COL20A1: variants seen among roughly 807,000 people sequenced by gnomAD.
COL20A1 encodes collagen alpha-1(XX) chain.
In COL20A1, 164 loss-of-function variants were observed where a neutral mutation model predicts 152.9. The observed-to-expected ratio is 1.07, with a 90% CI of 0.94 to 1.22. COL20A1 has a LOEUF of 1.22. Ranked by LOEUF, COL20A1 falls within the 50% of genes most tolerant of loss-of-function variation. The probability of loss-of-function intolerance (pLI) is 0.00; values close to 1 mark genes in which losing one functional copy is unlikely to be tolerated. For synonymous variants in COL20A1, 864 were observed against 756.0 expected (o/e 1.14, Z -2.34); for missense variants, 1,873 against 1,744.8 (o/e 1.07, Z -1.31).
intron 11 of COL20A1, among the ~76,000 whole-genome samples, 195 bp downstream of exon 11, chr20:63,310,705 AACACCAGCTAT>A: frequency 6.6e-6 from 1 of 152,146 alleles, no homozygotes; most frequent in East Asian, 1.9e-4. Flanking sequence ...TTCTCTTCTG[AACACCAGCTAT>A]ACCGTTGGTG....
rs2068001609 is a variant in COL20A1 at position 63,311,311 on chromosome 20, C to T, written c.1394-83C>T. ...CCTGCCAGGCGGTGGCCGTGCCCAC[C>T]CACTCTGGTGTGAGGGTGCCCCGTG... On this transcript the variant is annotated intron_variant, in intron 11 of 35. Transcript: ENST00000358894. The surrounding 1 kb of genome is among the most constrained non-coding windows in gnomAD (Gnocchi z 4.4). The T allele has an allele frequency of 1.4e-6, 2 of 1,399,100 alleles. No homozygotes were observed. Among genetic ancestry groups the T allele is most frequent in the Non-Finnish European group, 1.9e-6 (2 of 1,052,686 alleles). The allele number at this position is 1,399,100 out of a possible 1,614,324, so 86.7% of individuals were successfully genotyped here. A position where few individuals can be genotyped will look rare whatever the true frequency, so the allele number is the denominator to read the frequency against.
rs771551505 is a variant in COL20A1, at chr20:63,307,518, C to T, written c.525C>T (p.Pro175=). Residue 175 remains proline (P), a synonymous_variant, in exon 6 of 36, where the codon CCC becomes CCT. Transcript: ENST00000358894. ...GCCCCCAGTTCCGCTGCCTGCCCCC[C>T]GTGCCTGCTGACATGGTCTTCCTGG... is the stretch of plus-strand genomic sequence containing the variant. ...PAGPQFRCLP[P]VPADMVFLVD... The T allele has an allele frequency of 6.9e-5, 111 of 1,612,258 alleles. No homozygotes were observed. Among genetic ancestry groups the T allele is most frequent in the Middle Eastern group, 4.9e-4 (3 of 6,070 alleles).
Position 63,311,840 on chromosome 20 carries a change from G to A in COL20A1, c.1664-76G>A, listed in dbSNP as rs1266067489. On this transcript the variant is annotated intron_variant, in intron 13 of 35. Coordinates refer to ENST00000358894, the MANE Select transcript of COL20A1 (RefSeq NM_020882.4). The surrounding 1 kb of genome is among the most constrained non-coding windows in gnomAD (Gnocchi z 4.4). ...GGCATGGGAGACCTCAGGCCCCCTC[G>A]GTCCCAGCCACTGCCCACCCTTGCC... The A allele has an allele frequency of 2.8e-5, 43 of 1,511,228 alleles. No individual in the cohort carries two copies. The East Asian group carries it at 5.7e-4, about 20-fold the overall frequency. 93.6% of individuals were successfully genotyped at this position (1,511,228 alleles called of 1,614,324 possible).
chr20:63,316,562 T>C lies in COL20A1; in HGVS notation c.2534T>C (p.Leu845Pro). Residue 845 changes from leucine to proline, a missense_variant, in exon 21 of 36, where the codon CTG becomes CCG. Coordinates refer to ENST00000358894, the MANE Select transcript of COL20A1 (RefSeq NM_020882.4). The part of the protein sequence containing the change: ...RPDGSLPGFD[L>P]MVAFSLVEKA... ...CCACCATCTTCCCCAGGGTTTGACC[T>C]GATGGTGGCCTTCAGCCTGGTGGAA... 6.3e-7 allele frequency: 1 copy of C among 1,591,042 alleles called. No homozygotes were observed.
At chr20:63,303,703 T>C (rs1481624587) in intron 3 of COL20A1, among the ~76,000 whole-genome samples, 2 of 152,192 alleles carry the variant, frequency 1.3e-5, no homozygotes, top group Middle Eastern at 3.2e-3. Context: ...GGTCACTCCC[T>C]GGCGCGGGGC....
At chr20:63,324,080 C>T (rs1568787381) in intron 27 of COL20A1, among the ~76,000 whole-genome samples, 3 of 152,240 alleles carry the variant, frequency 2.0e-5, no homozygotes, top group African/African-American at 7.2e-5. Flanking sequence ...TCTCCTTCAT[C>T]CCTACGTATG....
rs1410860213 is a variant in COL20A1 at position 63,306,982 on chromosome 20, G to A, written c.497-508G>A. ...AGCTGGGCCTCTTCGGTCGCCCCAC[G>A]GGGGGCTCCACCGTGATGGCTGCTG... On this transcript the variant is annotated intron_variant, in intron 5 of 35. Transcript: ENST00000358894. The surrounding 1 kb of genome is among the most constrained non-coding windows in gnomAD (Gnocchi z 6.9). Among the ~76,000 whole-genome samples the A allele has an allele frequency of 1.3e-5, 2 of 152,204 alleles. No homozygotes were observed. Among genetic ancestry groups the A allele is most frequent in the African/African-American group, 4.8e-5 (2 of 41,454 alleles).
At chr20:63,300,129 G>A (rs1039360848) in intron 3 of COL20A1, among the ~76,000 whole-genome samples, 6 of 152,078 alleles carry the variant, frequency 3.9e-5, no homozygotes, top group African/African-American at 1.4e-4. Flanking sequence ...TTTCATTTAA[G>A]ATTTTTATAC....
Position 63,329,631 on chromosome 20 carries a change from G to A in COL20A1, c.3828G>A (p.Gly1276=). ...AGATGGGCAGCCCTGGGCAGCAGGG[G>A]GCTAGCACCCAGGGCCTCTGGGAGT... ...VGQMGSPGQQ[G]ASTQGLWE Residue 1276 remains glycine (G), a synonymous_variant, in exon 35 of 36, where the codon GGG becomes GGA. Transcript: ENST00000358894. 1.2e-6 allele frequency: 2 copies of A among 1,605,198 alleles called. No individual in the cohort carries two copies. The highest frequency in any genetic ancestry group is 1.7e-6 in the Non-Finnish European group (2 of 1,178,126).
intron 21 of COL20A1, among the ~76,000 whole-genome samples, chr20:63,317,458 C>T (rs983847605): frequency 6.6e-4 from 95 of 142,868 alleles, no homozygotes; most frequent in Non-Finnish European, 1.2e-3. Flanking sequence ...AGCAATACTC[C>T]GTCCCTTAAA....
intron 10 of COL20A1, 53 bp from the exon 11 acceptor site, chr20:63,310,328 C>A: frequency 6.3e-7 from 1 of 1,593,282 alleles, no homozygotes; most frequent in Admixed American, 1.7e-5. Flanking sequence ...TGTCCTGCTC[C>A]CCATCCCCCG....
At chr20:63,302,518 A>G (rs937120254) in intron 3 of COL20A1, among the ~76,000 whole-genome samples, 2 of 152,064 alleles carry the variant, frequency 1.3e-5, no homozygotes, top group Non-Finnish European at 2.9e-5. Flanking sequence ...ACGGGGTTTC[A>G]CTGTGTTGGC....
At position 63,311,983 on chromosome 20, in the gene COL20A1, G is replaced by C; in HGVS notation, c.1731G>C (p.Trp577Cys). The change falls in exon 14 of 36, where the codon TGG (tryptophan) becomes TGC (cysteine). Residue 577 changes from tryptophan (W) to cysteine (C), a missense_variant. Trp to Cys is a radical substitution (Grantham distance 215). Transcript: ENST00000358894. This position sits in a 1 kb window ranked among gnomAD's most constrained non-coding sequence, Gnocchi z 4.4. ...DVSHDAARVF[W>C]EGAPRPVRLV... ...GCCACGACGCGGCACGAGTGTTCTG[G>C]GAGGGTGCCCCGAGGCCTGTGCGCC... 6.2e-7 allele frequency: 1 copy of C among 1,603,942 alleles called. No homozygotes were observed.
intron 3 of COL20A1, among the ~76,000 whole-genome samples, chr20:63,299,787 T>C (rs1000003062): frequency 4.6e-5 from 7 of 151,912 alleles, no homozygotes; most frequent in South Asian, 2.1e-4. Context: ...ACTACAGTGA[T>C]TGATTTTTTA....
Position 63,315,456 on chromosome 20 carries a change from C to G in COL20A1, c.2524+17C>G. On this transcript the variant is annotated intron_variant, in intron 20 of 35. Transcript: ENST00000358894. Reference sequence around the variant, plus strand: ...CCCTCCCAGGTGGGTCCTGCATGCCCTCCCCTGCCTGCCCACCCACAGTCT... The same window carrying G: ...CCCTCCCAGGTGGGTCCTGCATGCCGTCCCCTGCCTGCCCACCCACAGTCT... 3 of 1,559,514 alleles carry G rather than the reference C, an allele frequency of 1.9e-6. No homozygotes were observed. Among genetic ancestry groups the G allele is most frequent in the Non-Finnish European group, 2.6e-6 (3 of 1,156,882 alleles).
intron 3 of COL20A1, 41 bp downstream of exon 3, chr20:63,298,061 C>G (rs765326152): frequency 4.0e-5 from 57 of 1,418,070 alleles, no homozygotes; most frequent in Non-Finnish European, 5.5e-5. Flanking sequence ...CCCATTAGCA[C>G]GTGCCGAGGA....
chr20:63,309,536 C>A, intron 9 of COL20A1, 39 bp downstream of exon 9: 2 of 1,454,212 alleles, frequency 1.4e-6, no homozygotes, highest in South Asian at 1.4e-5. Flanking sequence ...GCAGCCCCCC[C>A]GGCTGCTTTG....
chr20:63,307,749 G>T, intron 6 of COL20A1, 101 bp downstream of exon 6: 1 of 1,373,226 alleles, frequency 7.3e-7, no homozygotes. Flanking sequence ...ACCAGCCAGG[G>T]CTCTCACCTT....
chr20:63,314,056 C>T lies in COL20A1; in HGVS notation c.2359-16C>T, dbSNP rs2068052904. On this transcript the variant is annotated splice_polypyrimidine_tract_variant and intron_variant, in intron 18 of 35. Coordinates refer to ENST00000358894, the MANE Select transcript of COL20A1 (RefSeq NM_020882.4). Reference sequence around the variant, plus strand: ...TTGCCCAGGAAGTGGGGACCAGGCACCCTCCCTTCTCCTAGGTCTCTGTGC... The same window carrying T: ...TTGCCCAGGAAGTGGGGACCAGGCATCCTCCCTTCTCCTAGGTCTCTGTGC... 3 of 1,612,576 alleles carry T rather than the reference C, an allele frequency of 1.9e-6. No homozygotes were observed. The highest frequency in any genetic ancestry group is 1.7e-4 in the Middle Eastern group (1 of 5,988).
Sources: allele counts gnomAD v4.1 joint callset (sites outside exome capture counted in the v4.1 genomes callset), GRCh38; gene constraint gnomAD v4.1.1; non-coding constraint Gnocchi (gnomAD v3.1); transcripts MANE v1.5; gene names NCBI Gene and HGNC (gene_info 2026-07-23, HGNC 2026-07-21).